The following CNTNAP5 variants were observed in gnomAD, a reference collection of about 807,000 sequenced individuals.
The protein encoded by CNTNAP5 is contactin associated protein family member 5.
CNTNAP5 carries 72 observed loss-of-function variants against 150.2 expected under a neutral mutation model. That is an observed-to-expected ratio of 0.48 (90% confidence interval 0.40 to 0.58). The LOEUF (loss-of-function observed/expected upper bound fraction) is 0.58. Ranked by LOEUF, CNTNAP5 falls within the 20% of genes least tolerant of loss-of-function variation. The pLI is 0.00. For synonymous variants in CNTNAP5, 672 were observed against 619.8 expected (o/e 1.08, Z -1.25); for missense variants, 1,636 against 1,626.2 (o/e 1.01, Z -0.10).
chr2:124,747,441 T>C (rs1680628713), intron 14 of CNTNAP5, 56 bp downstream of exon 14: 18 of 1,588,274 alleles, frequency 1.1e-5, no homozygotes, highest in Middle Eastern at 1.7e-4. Context: ...AATTGATGCA[T>C]AAAATTCCCC....
At chr2:124,652,062 GACA>G (rs1678335197) in intron 13 of CNTNAP5, among the ~76,000 whole-genome samples, 1 of 152,156 alleles carries the variant, frequency 6.6e-6, no homozygotes, top group African/African-American at 2.4e-5. Flanking sequence ...ACTGAACCAT[GACA>G]CTGTCATTTT....
chr2:124,212,759 A>G (rs1686047922), intron 1 of CNTNAP5, among the ~76,000 whole-genome samples: 1 of 149,664 alleles, frequency 6.7e-6, no homozygotes, highest in Admixed American at 6.7e-5. Context: ...TGATTCTTTG[A>G]CCAACTTTCA....
chr2:124,161,282 C>A (rs1381352165), intron 1 of CNTNAP5, among the ~76,000 whole-genome samples: 1 of 152,078 alleles, frequency 6.6e-6, no homozygotes, highest in African/African-American at 2.4e-5. Context: ...GAGACGAAAA[C>A]TTGGTCTTCA....
intron 1 of CNTNAP5, among the ~76,000 whole-genome samples, chr2:124,121,732 C>G (rs918107699): frequency 3.3e-5 from 5 of 152,148 alleles, no homozygotes; most frequent in Non-Finnish European, 7.3e-5. Context: ...ATCCCATGCA[C>G]CCAGTTTTTA....
intron 12 of CNTNAP5, among the ~76,000 whole-genome samples, chr2:124,640,069 C>T (rs570337170): frequency 6.6e-6 from 1 of 152,210 alleles, no homozygotes; most frequent in East Asian, 1.9e-4. Flanking sequence ...CATCCGACCC[C>T]TTTCCAGTCC....
At chr2:124,191,609 A>G (rs1685458952) in intron 1 of CNTNAP5, among the ~76,000 whole-genome samples, 1 of 152,182 alleles carries the variant, frequency 6.6e-6, no homozygotes, top group African/African-American at 2.4e-5. Context: ...AGTACAGTGG[A>G]AGAACACCTA....
At chr2:124,706,904 G>GAGAAGAGGAAGAGAAAGAAGA (rs1558743250) in intron 13 of CNTNAP5, among the ~76,000 whole-genome samples, 4 of 5,350 alleles carry the variant, frequency 7.5e-4, no homozygotes, top group African/African-American at 2.4e-3. Flanking sequence ...GAAGAAGAAG[G>GAGAAGAGGAAGAGAAAGAAGA]AGGAGGAGGA....
intron 3 of CNTNAP5, among the ~76,000 whole-genome samples, chr2:124,327,265 C>T (rs1243500937): frequency 1.3e-5 from 2 of 152,038 alleles, no homozygotes; most frequent in Admixed American, 1.3e-4. Context: ...CAGGCATGAG[C>T]CACTGCGCCC....
chr2:124,762,248 T>C (rs942937471), intron 14 of CNTNAP5, among the ~76,000 whole-genome samples: 1 of 152,180 alleles, frequency 6.6e-6, no homozygotes, highest in Non-Finnish European at 1.5e-5. Flanking sequence ...ATGGTATATT[T>C]CTTTACATTT....
At chr2:124,472,858 C>G (rs1232720909) in intron 6 of CNTNAP5, among the ~76,000 whole-genome samples, 1 of 151,794 alleles carries the variant, frequency 6.6e-6, no homozygotes, top group Non-Finnish European at 1.5e-5. Flanking sequence ...AAAAATAGTG[C>G]TGAGAGACCT....
intron 1 of CNTNAP5, among the ~76,000 whole-genome samples, chr2:124,135,835 A>G (rs1414209096): frequency 2.0e-5 from 3 of 152,204 alleles, no homozygotes; most frequent in Non-Finnish European, 2.9e-5. Flanking sequence ...CTTTTAATTC[A>G]TGGTGCTGCC....
chr2:124,178,107 A>G (rs1685113437), intron 1 of CNTNAP5, among the ~76,000 whole-genome samples: 1 of 152,076 alleles, frequency 6.6e-6, no homozygotes, highest in South Asian at 2.1e-4. Flanking sequence ...TCGGCCTCCC[A>G]AAGTGCTGGG....
intron 1 of CNTNAP5, among the ~76,000 whole-genome samples, chr2:124,214,025 C>T (rs373704494): frequency 1.3e-5 from 2 of 152,070 alleles, no homozygotes; most frequent in East Asian, 3.9e-4. Context: ...GTCACTTTGA[C>T]CTTGGTTCAA....
chr2:124,776,003 A>G (rs762113048), intron 17 of CNTNAP5, among the ~76,000 whole-genome samples: 1 of 152,180 alleles, frequency 6.6e-6, no homozygotes, highest in East Asian at 1.9e-4. Context: ...GCATGAGTGT[A>G]CTATTGTCTT....
At chr2:124,624,486 C>T (rs1238678552) in intron 12 of CNTNAP5, among the ~76,000 whole-genome samples, 1 of 152,028 alleles carries the variant, frequency 6.6e-6, no homozygotes, top group Admixed American at 6.6e-5. Flanking sequence ...TATTTACTTC[C>T]TCATTTATTT....
intron 3 of CNTNAP5, among the ~76,000 whole-genome samples, chr2:124,330,815 CA>C: frequency 6.6e-6 from 1 of 151,954 alleles, no homozygotes; most frequent in Non-Finnish European, 1.5e-5. Flanking sequence ...TATATATTAC[CA>C]AATTGCTGGA....
At chr2:124,634,797 C>T (rs147193974) in intron 12 of CNTNAP5, among the ~76,000 whole-genome samples, 11 of 152,218 alleles carry the variant, frequency 7.2e-5, no homozygotes, top group African/African-American at 2.6e-4. Context: ...AGCCACTGTA[C>T]CTCACGTAAT....
At chr2:124,206,514 C>T (rs1232660171) in intron 1 of CNTNAP5, among the ~76,000 whole-genome samples, 2 of 152,182 alleles carry the variant, frequency 1.3e-5, no homozygotes, top group African/African-American at 4.8e-5. Context: ...GCCAAGCTCT[C>T]TTTGTGTGCT....
rs868248145 is a variant in CNTNAP5, at chr2:124,593,356, A to G, written c.1757-16445A>G. On this transcript the variant is annotated intron_variant, in intron 11 of 23. Transcript: ENST00000682447. ...TGTGTCCATGTGATCTCATTGTTCA[A>G]TTCCCACCTATGAGTGAGAATATGC... Among the ~76,000 whole-genome samples, 7 of 117,444 alleles carry G rather than the reference A, an allele frequency of 6.0e-5. No homozygotes were observed. The South Asian group carries it at 1.9e-3, about 32-fold the overall frequency. The allele number at this position is 117,444 out of a possible 152,430, so 77.0% of individuals were successfully genotyped here.
Sources: gnomAD v4.1 joint callset for allele counts (sites outside exome capture counted in the v4.1 genomes callset) on GRCh38, gnomAD v4.1.1 for gene constraint, MANE v1.5 for transcripts, NCBI Gene and HGNC (gene_info 2026-07-23, HGNC 2026-07-21) for gene names.